Variants in ZDHHC13 observed in about 807,000 individuals in gnomAD.
The protein encoded by ZDHHC13 is palmitoyltransferase ZDHHC13.
Under a neutral mutation model 86.0 loss-of-function variants are expected in ZDHHC13, and 85 were observed. The observed-to-expected ratio is 0.99, with a 90% CI of 0.83 to 1.18. The LOEUF is 1.18. Among genes scored for constraint, ZDHHC13 ranks in the 50% most tolerant of loss-of-function variants. The pLI, the probability that ZDHHC13 is intolerant of heterozygous loss-of-function variation, is 0.00. For missense variants in ZDHHC13, 711 were observed against 730.2 expected, an observed-to-expected ratio of 0.97 and a Z score of 0.30; for synonymous variants, 263 against 246.4, an observed-to-expected ratio of 1.07 and a Z score of -0.63.
chr11:19,135,503 C>T lies in ZDHHC13; in HGVS notation c.28-7475C>T, dbSNP rs573370360. Among the ~76,000 whole-genome samples the T allele has an allele frequency of 4.4e-4, 67 of 152,350 alleles. 2 individuals are homozygous for T. The South Asian group carries it at 0.013, about 31-fold the overall frequency. On this transcript the variant is annotated intron_variant, in intron 1 of 16. Transcript: ENST00000446113. ...GCGGCAGCGAGGCTGGGGAGGGGCG[C>T]CCGCCATTGCCCAGGCTTGCTGAGG...
rs1385136808 is a variant in ZDHHC13, at chr11:19,117,482, G to A, written c.27+206G>A. Among the ~76,000 whole-genome samples the A allele has an allele frequency of 6.6e-6, 1 of 152,146 alleles. No homozygotes were observed. Among genetic ancestry groups the A allele is most frequent in the Non-Finnish European group, 1.5e-5 (1 of 68,002 alleles). On this transcript the variant is annotated intron_variant, in intron 1 of 16. Transcript: ENST00000446113. This position sits in a 1 kb window ranked among gnomAD's most constrained non-coding sequence, Gnocchi z 4.2. ...CTGGGAAGAAAAGGCGAGGACTGAGGGGTGAGGGCCCGAGCCGGCCCCTCC... is the reference window on the plus strand; with the variant it reads ...CTGGGAAGAAAAGGCGAGGACTGAGAGGTGAGGGCCCGAGCCGGCCCCTCC...
At chr11:19,154,141 A>G (rs1248622279) in intron 8 of ZDHHC13, among the ~76,000 whole-genome samples, 1 of 152,156 alleles carries the variant, frequency 6.6e-6, no homozygotes, top group African/African-American at 2.4e-5. Context: ...TTCACTTAGT[A>G]TATTTATTTG....
intron 4 of ZDHHC13, among the ~76,000 whole-genome samples, chr11:19,148,338 A>G (rs903733544): frequency 6.6e-6 from 1 of 152,086 alleles, no homozygotes; most frequent in African/African-American, 2.4e-5. Flanking sequence ...TCTTTTCTCC[A>G]TAGCTAAGAG....
At chr11:19,133,386 TACACAC>T (rs55880977) in intron 1 of ZDHHC13, among the ~76,000 whole-genome samples, 91,373 of 149,432 alleles carry the variant, frequency 0.61, 28,754 homozygotes, top group Admixed American at 0.71. Flanking sequence ...CACATATATA[TACACAC>T]ACACACACAC....
At position 19,120,081 on chromosome 11, in the gene ZDHHC13, C is replaced by T. The variant is rs112596995; in HGVS notation, c.27+2805C>T. Among the ~76,000 whole-genome samples, 715 of 152,322 alleles carry T rather than the reference C, an allele frequency of 4.7e-3. 2 individuals are homozygous for T. Among genetic ancestry groups the T allele is most frequent in the Non-Finnish European group, 6.9e-3 (472 of 68,030 alleles). The stretch of plus-strand genomic sequence containing the variant: ...TATATACAATTTAGAAAAATAATCT[C>T]ATTCATGACATCTCTGTGTGAGAAG... On this transcript the variant is annotated intron_variant, in intron 1 of 16. Coordinates refer to ENST00000446113, the MANE Select transcript of ZDHHC13 (RefSeq NM_019028.3).
intron 1 of ZDHHC13, among the ~76,000 whole-genome samples, chr11:19,140,653 C>T (rs1456197160): frequency 6.6e-6 from 1 of 152,048 alleles, no homozygotes; most frequent in East Asian, 1.9e-4. Flanking sequence ...ATAGTGAAGA[C>T]TTGGAACCAA....
chr11:19,159,317 G>T (rs565049084), intron 10 of ZDHHC13, among the ~76,000 whole-genome samples: 1 of 148,988 alleles, frequency 6.7e-6, no homozygotes, highest in Admixed American at 6.6e-5. Context: ...ATAATTTGTT[G>T]GATTGTCTTG....
At chr11:19,138,801 A>G (rs1185221491) in intron 1 of ZDHHC13, among the ~76,000 whole-genome samples, 1 of 152,098 alleles carries the variant, frequency 6.6e-6, no homozygotes, top group Non-Finnish European at 1.5e-5. Flanking sequence ...AAACAGAACC[A>G]AAGACAAAAA....
In ZDHHC13 at chr11:19,147,631, T is replaced by G; in HGVS notation, c.332T>G (p.Leu111Trp). The G allele has an allele frequency of 6.2e-7, 1 of 1,602,884 alleles. No individual in the cohort carries two copies. The change falls in exon 4 of 17, where the codon TTG (leucine) becomes TGG (tryptophan). Residue 111 changes from leucine to tryptophan, a missense_variant. Leu to Trp is a moderately conservative substitution (Grantham distance 61, BLOSUM62 -2). Transcript: ENST00000446113. ...TCAAAAGGTGCTGTTGTAGATCAGT[T>G]GGGTGGAGATTTAAATTCAACTCCT... Reference protein sequence around the residue: ...YISKGAVVDQLGGDLNSTPLH... With the variant: ...YISKGAVVDQWGGDLNSTPLH...
intron 1 of ZDHHC13, among the ~76,000 whole-genome samples, chr11:19,124,536 GA>G (rs1320802711): frequency 3.9e-5 from 6 of 151,908 alleles, no homozygotes; most frequent in Admixed American, 1.3e-4. Flanking sequence ...AAAATACACT[GA>G]TTTTTTTTGT....
At chr11:19,175,418 G>GAAAAAAAAT (rs1491136456) in intron 16 of ZDHHC13, among the ~76,000 whole-genome samples, 1 of 114,060 alleles carries the variant, frequency 8.8e-6, no homozygotes, top group Non-Finnish European at 1.8e-5. Flanking sequence ...AAAAAAAAAA[G>GAAAAAAAAT]GTTTAGGGAA....
At chr11:19,166,138 C>G (rs952566365) in intron 13 of ZDHHC13, among the ~76,000 whole-genome samples, 164 bp from the exon 14 acceptor site, 7 of 152,154 alleles carry the variant, frequency 4.6e-5, no homozygotes, top group South Asian at 2.1e-4. Context: ...TGTGACATAT[C>G]AGAAATGTGT....
chr11:19,123,720 CAAGT>C (rs1429727727), intron 1 of ZDHHC13, among the ~76,000 whole-genome samples: 1 of 152,034 alleles, frequency 6.6e-6, no homozygotes, highest in African/African-American at 2.4e-5. Context: ...ATTAGAAAAA[CAAGT>C]AGACTATGAA....
At chr11:19,172,928 A>G in intron 16 of ZDHHC13, 108 bp downstream of exon 16, 1 of 992,976 alleles carries the variant, frequency 1.0e-6, no homozygotes, top group Non-Finnish European at 1.4e-6. Flanking sequence ...GTAATTTGCC[A>G]TCTAGTACAG....
rs745651219 is a variant in ZDHHC13 at position 19,166,406 on chromosome 11, C to A, written c.1474+21C>A. 1.9e-6 allele frequency: 3 copies of A among 1,576,460 alleles called. No individual in the cohort carries two copies. The South Asian group carries it at 3.4e-5, about 18-fold the overall frequency. On this transcript the variant is annotated intron_variant, in intron 14 of 16. Coordinates refer to ENST00000446113, the MANE Select transcript of ZDHHC13 (RefSeq NM_019028.3). ...CATCTGTAAGTGTAAATTTTTCTTA[C>A]AACAAGCACATACATCTACACCCAT... is the stretch of plus-strand genomic sequence containing the variant.
At chr11:19,143,515 G>A (rs1190084495) in intron 2 of ZDHHC13, among the ~76,000 whole-genome samples, 2 of 152,144 alleles carry the variant, frequency 1.3e-5, no homozygotes, top group African/African-American at 4.8e-5. Flanking sequence ...AACCTGAATA[G>A]GTAGATGGAA....
intron 8 of ZDHHC13, among the ~76,000 whole-genome samples, 184 bp downstream of exon 8, chr11:19,152,868 T>G (rs914219821): frequency 4.6e-5 from 7 of 152,154 alleles, no homozygotes; most frequent in Non-Finnish European, 7.4e-5. Context: ...TGGCTATTTA[T>G]TGTTGGTCCT....
chr11:19,161,657 G>A lies in ZDHHC13; in HGVS notation c.1109-1646G>A, dbSNP rs148566546. 2.8e-3 allele frequency among the ~76,000 whole-genome samples: 432 copies of A among 151,986 alleles called. 2 individuals are homozygous for A. Among genetic ancestry groups the A allele is most frequent in the Middle Eastern group, 0.02 (6 of 294 alleles). ...GAAGGTAAAATTCAAACTCAGGAGA[G>A]AAATGGTGAATCACTGAATATTACA... is the stretch of plus-strand genomic sequence containing the variant. On this transcript the variant is annotated intron_variant, in intron 10 of 16. Transcript: ENST00000446113.
intron 3 of ZDHHC13, 141 bp downstream of exon 3, chr11:19,146,444 TG>T: frequency 9.6e-7 from 1 of 1,038,044 alleles, no homozygotes. Flanking sequence ...CCACACACGT[TG>T]GTTATTATAA....
Sources: allele counts gnomAD v4.1 joint callset (sites outside exome capture counted in the v4.1 genomes callset), GRCh38; gene constraint gnomAD v4.1.1; non-coding constraint Gnocchi (gnomAD v3.1); transcripts MANE v1.5; gene names NCBI Gene and HGNC (gene_info 2026-07-23, HGNC 2026-07-21).